Variants in SEMA5A observed in about 807,000 individuals in gnomAD.
SEMA5A encodes semaphorin 5A, also known as semaphorin-5A.
In SEMA5A, 55 loss-of-function variants were observed where a neutral mutation model predicts 135.5. That is an observed-to-expected ratio of 0.41 (90% CI 0.33 to 0.51). The LOEUF (loss-of-function observed/expected upper bound fraction) is 0.51, where lower values mean the gene tolerates loss of function less well. Ranked by LOEUF, SEMA5A falls within the 20% of genes least tolerant of loss-of-function variation. The probability of loss-of-function intolerance (pLI) is 0.37; values close to 1 mark genes in which losing one functional copy is unlikely to be tolerated. For synonymous variants in SEMA5A, 580 were observed against 546.5 expected (o/e 1.06, Z -0.85); for missense variants, 1,290 against 1,419.9 (o/e 0.91, Z 1.47).
At chr5:9,476,468 G>C (rs1352410801) in intron 1 of SEMA5A, among the ~76,000 whole-genome samples, 1 of 151,620 alleles carries the variant, frequency 6.6e-6, no homozygotes, top group Non-Finnish European at 1.5e-5. Flanking sequence ...CTGCCTTTTT[G>C]GTTTCTTGAT....
intron 16 of SEMA5A, among the ~76,000 whole-genome samples, chr5:9,088,376 A>G (rs1738829025): frequency 1.3e-5 from 2 of 150,756 alleles, no homozygotes; most frequent in Admixed American, 1.3e-4. Flanking sequence ...AAATATAAGT[A>G]TATAGAATAA....
intron 5 of SEMA5A, among the ~76,000 whole-genome samples, chr5:9,268,948 C>T (rs1390496476): frequency 6.6e-6 from 1 of 151,998 alleles, no homozygotes; most frequent in African/African-American, 2.4e-5. Context: ...ATTTCCAGAT[C>T]AAGAGCTAGG....
chr5:9,257,007 G>T (rs1177784990), intron 5 of SEMA5A, among the ~76,000 whole-genome samples: 3 of 152,230 alleles, frequency 2.0e-5, no homozygotes, highest in Non-Finnish European at 2.9e-5. Context: ...TAATGAGATA[G>T]TTACAGAGGC....
At chr5:9,146,765 G>A (rs1265466099) in intron 12 of SEMA5A, among the ~76,000 whole-genome samples, 1 of 152,116 alleles carries the variant, frequency 6.6e-6, no homozygotes, top group Admixed American at 6.5e-5. Context: ...CCCACTTGGT[G>A]TTTGGCATGT....
At position 9,037,631 on chromosome 5, in the gene SEMA5A, C is replaced by CTTAT. The variant is rs1439207915; in HGVS notation, c.*5262_*5265dup. ...CATCACCAGCAGTTCAACATTACAT[C>CTTAT]TTATTTACCTTTTCTATTACCAAAA... On this transcript the variant is annotated 3_prime_UTR_variant, in exon 23 of 23. Transcript: ENST00000382496. 1 of 152,054 alleles carries CTTAT rather than the reference C, an allele frequency of 6.6e-6. No individual in the cohort carries two copies. Among genetic ancestry groups the CTTAT allele is most frequent in the African/African-American group, 2.4e-5 (1 of 41,422 alleles). The allele number at this position is 152,054 out of a possible 1,614,324, so 9.4% of individuals were successfully genotyped here.
chr5:9,448,815 T>C (rs268523), intron 1 of SEMA5A, among the ~76,000 whole-genome samples: 144,738 of 152,278 alleles, frequency 0.95, 68,900 homozygotes, highest in African/African-American at 0.99. Flanking sequence ...GACCGTGACA[T>C]GTGATGCTGG....
At chr5:9,527,001 G>A (rs986786589) in intron 1 of SEMA5A, among the ~76,000 whole-genome samples, 1 of 152,186 alleles carries the variant, frequency 6.6e-6, no homozygotes, top group African/African-American at 2.4e-5. Context: ...GTCTCAGAAG[G>A]GTTGTATGGC....
intron 1 of SEMA5A, among the ~76,000 whole-genome samples, chr5:9,537,096 A>T (rs268555): frequency 0.085 from 12,967 of 152,094 alleles, 876 homozygotes; most frequent in African/African-American, 0.18. Flanking sequence ...AGAAATCATT[A>T]AAAAAAATGG....
chr5:9,543,428 C>T (rs920846538), intron 1 of SEMA5A, among the ~76,000 whole-genome samples: 6 of 152,146 alleles, frequency 3.9e-5, no homozygotes, highest in Non-Finnish European at 8.8e-5. Flanking sequence ...CAGTGAAGAA[C>T]GCAGGTTTAT....
chr5:9,385,471 T>A (rs576217882), intron 2 of SEMA5A, among the ~76,000 whole-genome samples: 1 of 152,280 alleles, frequency 6.6e-6, no homozygotes, highest in South Asian at 2.1e-4. Context: ...TATAGGCCTA[T>A]CATAAAGATG....
chr5:9,518,868 G>C (rs1736665853), intron 1 of SEMA5A, among the ~76,000 whole-genome samples: 1 of 151,928 alleles, frequency 6.6e-6, no homozygotes. Context: ...TTATAGCCCA[G>C]AATGACATGT....
rs116965040 is a variant in SEMA5A, at chr5:9,361,998, T to C, written c.124+17825A>G. On this transcript the variant is annotated intron_variant, in intron 3 of 22. Coordinates refer to ENST00000382496, the MANE Select transcript of SEMA5A (RefSeq NM_003966.3). ...CCCCTGCTGGCAAGGAAGGTTCTTATTTGGGTACCTCGTGGGAACCTAGAA... is the reference window on the plus strand; with the variant it reads ...CCCCTGCTGGCAAGGAAGGTTCTTACTTGGGTACCTCGTGGGAACCTAGAA... Among the ~76,000 whole-genome samples the C allele has an allele frequency of 2.6e-3, 399 of 152,340 alleles. 6 individuals are homozygous for C. The East Asian group carries it at 0.033, about 13-fold the overall frequency.
In SEMA5A at chr5:9,265,681, G is replaced by T. The variant is rs563440180; in HGVS notation, c.271-27791C>A. 77 of 400,360 alleles carry T rather than the reference G, an allele frequency of 1.9e-4. 2 individuals are homozygous for T. The highest frequency in any genetic ancestry group is 1.3e-3 in the South Asian group (74 of 55,120). The allele number at this position is 400,360 out of a possible 1,614,324, so 24.8% of individuals were successfully genotyped here. A position where few individuals can be genotyped will look rare whatever the true frequency, so the allele number is the denominator to read the frequency against. On this transcript the variant is annotated intron_variant, in intron 5 of 22. Coordinates refer to ENST00000382496, the MANE Select transcript of SEMA5A (RefSeq NM_003966.3). ...GACAAACAAAAGGAAATTAAAACAA[G>T]CAACTTCTGAGGTCTGCTAAACCAA...
intron 4 of SEMA5A, among the ~76,000 whole-genome samples, chr5:9,336,775 C>A (rs914085364): frequency 2.6e-5 from 4 of 152,130 alleles, no homozygotes; most frequent in Non-Finnish European, 4.4e-5. Flanking sequence ...AGACTATAAG[C>A]TAGATTTAGC....
chr5:9,111,338 G>A (rs1255792596), intron 15 of SEMA5A, among the ~76,000 whole-genome samples: 1 of 152,104 alleles, frequency 6.6e-6, no homozygotes, highest in African/African-American at 2.4e-5. Flanking sequence ...TACCAAAAAT[G>A]TTTATAAAAC....
At chr5:9,521,218 T>C (rs1736808262) in intron 1 of SEMA5A, among the ~76,000 whole-genome samples, 1 of 152,168 alleles carries the variant, frequency 6.6e-6, no homozygotes, top group Non-Finnish European at 1.5e-5. Flanking sequence ...GAGACCAGCC[T>C]GGCCAACATG....
rs778921009 is a variant in SEMA5A, at chr5:9,197,728, T to TTGTATGTGTGTGTGTGTGTGTGTGTG, written c.933-426_933-425insCACACACACACACACACACACATACA. Among the ~76,000 whole-genome samples the TTGTATGTGTGTGTGTGTGTGTGTGTG allele has an allele frequency of 7.9e-4, 47 of 59,292 alleles. 1 individual carries two copies. Among genetic ancestry groups the TTGTATGTGTGTGTGTGTGTGTGTGTG allele is most frequent in the East Asian group, 1.9e-3 (2 of 1,026 alleles). The allele number at this position is 59,292 out of a possible 152,430, so 38.9% of individuals were successfully genotyped here. The stretch of plus-strand genomic sequence containing the variant: ...TTTGCCCAGCAGCAGGGAAAGCTGT[T>TTGTATGTGTGTGTGTGTGTGTGTGTG]TGTGTGTGTGTGTGTGTGTGTGTGT... On this transcript the variant is annotated intron_variant, in intron 9 of 22. Coordinates refer to ENST00000382496, the MANE Select transcript of SEMA5A (RefSeq NM_003966.3).
chr5:9,242,936 T>C (rs1192681857), intron 5 of SEMA5A, among the ~76,000 whole-genome samples: 1 of 152,222 alleles, frequency 6.6e-6, no homozygotes, highest in Non-Finnish European at 1.5e-5. Context: ...AAATGTGTTA[T>C]AATAATTTTT....
chr5:9,453,327 G>A (rs76887238), intron 1 of SEMA5A, among the ~76,000 whole-genome samples: 4,709 of 152,226 alleles, frequency 0.031, 123 homozygotes, highest in Middle Eastern at 0.12. Context: ...GTCTGACAAG[G>A]CAATCCTATC....
Sources: gnomAD v4.1 joint callset for allele counts (sites outside exome capture counted in the v4.1 genomes callset) on GRCh38, gnomAD v4.1.1 for gene constraint, MANE v1.5 for transcripts, NCBI Gene and HGNC (gene_info 2026-07-23, HGNC 2026-07-21) for gene names.